CHSY3: variants seen among roughly 807,000 people sequenced by gnomAD.
CHSY3 encodes the protein chondroitin sulfate synthase 3, also known as N-acetylgalactosaminyl-proteoglycan 3-beta-glucuronosyltransferase 3.
Under a neutral mutation model 67.2 loss-of-function variants are expected in CHSY3, and 35 were observed. The observed-to-expected ratio is 0.52, with a 90% CI of 0.40 to 0.69. The LOEUF is 0.69. CHSY3 is among the 30% of genes least tolerant of loss of function. The probability of loss-of-function intolerance (pLI) is 0.00; values close to 1 mark genes in which losing one functional copy is unlikely to be tolerated. For synonymous variants in CHSY3, 474 were observed against 434.7 expected (o/e 1.09, Z -1.12); for missense variants, 1,069 against 1,138.5 (o/e 0.94, Z 0.88).
chr5:130,075,447 C>T (rs1036783663), intron 2 of CHSY3, among the ~76,000 whole-genome samples: 3 of 152,062 alleles, frequency 2.0e-5, no homozygotes, highest in African/African-American at 4.8e-5. Flanking sequence ...TTTGAAAGTA[C>T]CCAATGCCTT....
intron 2 of CHSY3, among the ~76,000 whole-genome samples, chr5:130,135,063 G>A (rs933498170): frequency 1.3e-5 from 2 of 151,830 alleles, no homozygotes; most frequent in Non-Finnish European, 2.9e-5. Context: ...TATAGATATA[G>A]TATAGATACA....
intron 2 of CHSY3, among the ~76,000 whole-genome samples, chr5:129,915,876 G>T (rs1457832134): frequency 2.0e-5 from 3 of 152,154 alleles, no homozygotes; most frequent in African/African-American, 7.2e-5. Context: ...TCGATACTGA[G>T]ACCTGAGAAA....
At chr5:130,062,985 T>A (rs1244294565) in intron 2 of CHSY3, among the ~76,000 whole-genome samples, 1 of 152,102 alleles carries the variant, frequency 6.6e-6, no homozygotes, top group Non-Finnish European at 1.5e-5. Context: ...GCTCCTGGAT[T>A]TTGTTGAGTG....
At chr5:130,089,312 T>C (rs978129948) in intron 2 of CHSY3, among the ~76,000 whole-genome samples, 3 of 151,744 alleles carry the variant, frequency 2.0e-5, no homozygotes, top group African/African-American at 7.2e-5. Flanking sequence ...GCATGGCACA[T>C]GTATACATAT....
At chr5:129,982,234 G>C (rs1051424393) in intron 2 of CHSY3, among the ~76,000 whole-genome samples, 2 of 151,284 alleles carry the variant, frequency 1.3e-5, no homozygotes, top group Non-Finnish European at 2.9e-5. Flanking sequence ...ACTGATTCTT[G>C]TCCTCACATC....
At chr5:129,984,925 C>A (rs538056672) in intron 2 of CHSY3, among the ~76,000 whole-genome samples, 1 of 151,998 alleles carries the variant, frequency 6.6e-6, no homozygotes, top group Non-Finnish European at 1.5e-5. Flanking sequence ...GGATATTAGA[C>A]CTTTGAGGAA....
chr5:129,978,225 A>G (rs1389932521), intron 2 of CHSY3, among the ~76,000 whole-genome samples: 2 of 152,180 alleles, frequency 1.3e-5, no homozygotes, highest in African/African-American at 4.8e-5. Flanking sequence ...AGATGGTCAC[A>G]ATTCGCTTCC....
At chr5:130,085,033 A>T (rs1320431008) in intron 2 of CHSY3, among the ~76,000 whole-genome samples, 3 of 151,992 alleles carry the variant, frequency 2.0e-5, no homozygotes, top group Non-Finnish European at 4.4e-5. Flanking sequence ...CTGAATTCCA[A>T]AGAGAAGAAA....
At chr5:129,951,397 G>T (rs80086232) in intron 2 of CHSY3, among the ~76,000 whole-genome samples, 80 of 152,194 alleles carry the variant, frequency 5.3e-4, no homozygotes, top group African/African-American at 1.9e-3. Context: ...AACACATGAG[G>T]CTACATCAAG....
chr5:130,046,434 A>G (rs893703418), intron 2 of CHSY3, among the ~76,000 whole-genome samples: 2 of 152,164 alleles, frequency 1.3e-5, no homozygotes, highest in African/African-American at 2.4e-5. Context: ...AATTTTCACC[A>G]TGGTTTGGGT....
At chr5:130,072,036 ATTAAGG>A (rs903203868) in intron 2 of CHSY3, among the ~76,000 whole-genome samples, 2 of 151,928 alleles carry the variant, frequency 1.3e-5, no homozygotes, top group African/African-American at 4.8e-5. Context: ...CCCATTTTTA[ATTAAGG>A]TTATTTGTTT....
chr5:130,012,459 C>G (rs1278481159), intron 2 of CHSY3, among the ~76,000 whole-genome samples: 1 of 152,116 alleles, frequency 6.6e-6, no homozygotes, highest in Non-Finnish European at 1.5e-5. Flanking sequence ...GCTACTGTGA[C>G]TTAGACTAGG....
At chr5:130,057,659 A>G (rs920537587) in intron 2 of CHSY3, among the ~76,000 whole-genome samples, 2 of 152,170 alleles carry the variant, frequency 1.3e-5, no homozygotes, top group Non-Finnish European at 2.9e-5. Context: ...TATTAATGTA[A>G]GTATAAAAGG....
At chr5:130,178,249 A>ATTTTT (rs1253548592) in intron 2 of CHSY3, among the ~76,000 whole-genome samples, 3 of 68,482 alleles carry the variant, frequency 4.4e-5, no homozygotes, top group African/African-American at 2.4e-4. Flanking sequence ...ATATATATAT[A>ATTTTT]TATATTTTTT....
intron 2 of CHSY3, among the ~76,000 whole-genome samples, chr5:130,162,213 A>G: frequency 6.6e-6 from 1 of 152,156 alleles, no homozygotes; most frequent in Non-Finnish European, 1.5e-5. Flanking sequence ...TATTTATTTT[A>G]AAAATGTACA....
Position 129,908,105 on chromosome 5 carries a change from G to T in CHSY3, c.831G>T (p.Ser277=), listed in dbSNP as rs754943142. The T allele has an allele frequency of 6.2e-7, 1 of 1,613,572 alleles. No homozygotes were observed. The highest frequency in any genetic ancestry group is 1.7e-5 in the Admixed American group (1 of 59,892). ...ATAAATTAGAAGAGTTTCTTAGATC[G>T]CTAAACAGCAGTAAGCCTCTCTACC... ...KGDKLEEFLR[S]LNSSKPLYLG... is the part of the protein sequence containing the mutation. Residue 277 remains serine (S), a synonymous_variant, in exon 2 of 3, where the codon TCG becomes TCT. Transcript: ENST00000305031.
intron 2 of CHSY3, among the ~76,000 whole-genome samples, chr5:129,958,721 A>G (rs1762248126): frequency 6.6e-6 from 1 of 151,874 alleles, no homozygotes; most frequent in African/African-American, 2.4e-5. Flanking sequence ...TATTTTTTCC[A>G]GGTGGGGTCT....
intron 2 of CHSY3, among the ~76,000 whole-genome samples, chr5:130,110,190 G>C (rs1019482501): frequency 4.6e-5 from 7 of 151,762 alleles, no homozygotes; most frequent in African/African-American, 1.7e-4. Flanking sequence ...CTTCAGAAAT[G>C]AGCTTGGCTT....
At chr5:130,124,039 C>CAAAAAA (rs11297427) in intron 2 of CHSY3, among the ~76,000 whole-genome samples, 55 of 58,202 alleles carry the variant, frequency 9.4e-4, no homozygotes, top group Middle Eastern at 0.011. Context: ...GACTCCATCT[C>CAAAAAA]AAAAAAAAAA....
Sources: allele counts gnomAD v4.1 joint callset (sites outside exome capture counted in the v4.1 genomes callset), GRCh38; gene constraint gnomAD v4.1.1; transcripts MANE v1.5; gene names NCBI Gene and HGNC (gene_info 2026-07-23, HGNC 2026-07-21).